OTUD7A: variants seen among roughly 807,000 people sequenced by gnomAD.
The protein encoded by OTUD7A is OTU domain-containing protein 7A.
In OTUD7A, 12 loss-of-function variants were observed where a neutral mutation model predicts 65.7. The ratio of observed to expected loss-of-function variants is 0.18; its 90% CI spans 0.12 to 0.30. The LOEUF (loss-of-function observed/expected upper bound fraction) is 0.30, where lower values mean the gene tolerates loss of function less well. Ranked by LOEUF, OTUD7A falls within the 10% of genes least tolerant of loss-of-function variation. The pLI is 1.00. For missense variants in OTUD7A, 1,148 were observed against 1,304.8 expected (o/e 0.88, Z 1.85); for synonymous variants, 641 against 586.3 (o/e 1.09, Z -1.35).
intron 8 of OTUD7A, among the ~76,000 whole-genome samples, chr15:31,513,183 T>A (rs2041783485): frequency 6.6e-6 from 1 of 152,344 alleles, no homozygotes; most frequent in African/African-American, 2.4e-5. Flanking sequence ...ATTAACCTTA[T>A]TTTAACAGTT....
At chr15:31,635,004 A>G (rs751335845) in intron 3 of OTUD7A, among the ~76,000 whole-genome samples, 1 of 152,208 alleles carries the variant, frequency 6.6e-6, no homozygotes, top group African/African-American at 2.4e-5. Flanking sequence ...GAAGGAAATC[A>G]GCTCTAACTT....
intron 1 of OTUD7A, among the ~76,000 whole-genome samples, chr15:31,851,849 T>C (rs1897434249): frequency 6.6e-6 from 1 of 151,532 alleles, no homozygotes; most frequent in African/African-American, 2.4e-5. Context: ...TTGTGTTTTG[T>C]TTGTTTTGTT....
At position 31,481,296 on chromosome 15, in the gene OTUD7A, C is replaced by T. The variant is rs1315159939; in HGVS notation, c.*1998G>A. 6.6e-6 allele frequency: 1 copy of T among 152,150 alleles called. No homozygotes were observed. Among genetic ancestry groups the T allele is most frequent in the Non-Finnish European group, 1.5e-5 (1 of 68,042 alleles). 9.4% of individuals were successfully genotyped at this position (152,150 alleles called of 1,614,324 possible). On this transcript the variant is annotated 3_prime_UTR_variant, in exon 13 of 13. Coordinates refer to ENST00000307050, the MANE Select transcript of OTUD7A (RefSeq NM_001382637.1). ...GGGTGTCTCAATCTTTTAAGAGTGA[C>T]GAGCATGAGGAGTGGCTGGCATCCA...
chr15:31,552,693 C>T (rs963685943), intron 5 of OTUD7A, among the ~76,000 whole-genome samples: 1 of 152,250 alleles, frequency 6.6e-6, no homozygotes, highest in South Asian at 2.1e-4. Flanking sequence ...CTGTCTCTCC[C>T]ACACTCTGGC....
rs1267251214 is a variant in OTUD7A at position 31,484,750 on chromosome 15, G to A, written c.1372-26C>T. On this transcript the variant is annotated intron_variant, in intron 12 of 12. Coordinates refer to ENST00000307050, the MANE Select transcript of OTUD7A (RefSeq NM_001382637.1). This position sits in a 1 kb window ranked among gnomAD's most constrained non-coding sequence, Gnocchi z 4.5. The stretch of plus-strand genomic sequence containing the variant: ...CTGTGTGGAGAGGGAGGGCCGGATC[G>A]AAGGTGGTTAGAGAAGAGCTGTCCA... 1 of 1,585,678 alleles carries A rather than the reference G, an allele frequency of 6.3e-7. No individual in the cohort carries two copies. The highest frequency in any genetic ancestry group is 2.3e-5 in the East Asian group (1 of 44,432).
At chr15:31,641,609 C>G (rs764615104) in intron 3 of OTUD7A, among the ~76,000 whole-genome samples, 4 of 152,080 alleles carry the variant, frequency 2.6e-5, no homozygotes, top group Non-Finnish European at 4.4e-5. Flanking sequence ...TTTTTCATCT[C>G]TTTAAGCAAT....
At chr15:31,756,524 C>T (rs998081896) in intron 1 of OTUD7A, among the ~76,000 whole-genome samples, 1 of 152,074 alleles carries the variant, frequency 6.6e-6, no homozygotes. Context: ...AATGCTCCAT[C>T]CCCCAAAGCT....
chr15:31,839,615 T>C (rs568930245), intron 1 of OTUD7A, among the ~76,000 whole-genome samples: 1 of 152,324 alleles, frequency 6.6e-6, no homozygotes, highest in Admixed American at 6.5e-5. Flanking sequence ...CCTGCTCTCC[T>C]CTTCTATAAA....
chr15:31,575,601 C>T (rs1344181854), intron 3 of OTUD7A, among the ~76,000 whole-genome samples: 2 of 152,212 alleles, frequency 1.3e-5, no homozygotes, highest in East Asian at 1.9e-4. Flanking sequence ...AACTCTGTGA[C>T]ATAGCTTGTC....
At chr15:31,631,886 C>T (rs1891171781) in intron 3 of OTUD7A, among the ~76,000 whole-genome samples, 1 of 152,192 alleles carries the variant, frequency 6.6e-6, no homozygotes, top group African/African-American at 2.4e-5. Context: ...TGCATCGGCT[C>T]CTGAGGCTTC....
At chr15:31,823,663 T>C (rs1337134574) in intron 1 of OTUD7A, among the ~76,000 whole-genome samples, 1 of 152,210 alleles carries the variant, frequency 6.6e-6, no homozygotes, top group Non-Finnish European at 1.5e-5. Context: ...CAAGCAAATA[T>C]AGACAAGGAT....
chr15:31,526,341 G>A lies in OTUD7A; in HGVS notation c.893+8C>T. 6.3e-7 allele frequency: 1 copy of A among 1,581,938 alleles called. No homozygotes were observed. Among genetic ancestry groups the A allele is most frequent in the Non-Finnish European group, 8.6e-7 (1 of 1,168,616 alleles). On this transcript the variant is annotated splice_region_variant and intron_variant, in intron 8 of 12. Transcript: ENST00000307050. ...GTGACTTCTGGGGAGAGCAGGGGCAGCACTTACCCCCCGCCCGTGCCGCCA... is the reference window on the plus strand; with the variant it reads ...GTGACTTCTGGGGAGAGCAGGGGCAACACTTACCCCCCGCCCGTGCCGCCA...
At chr15:31,841,379 C>T (rs143647819) in intron 1 of OTUD7A, among the ~76,000 whole-genome samples, 12 of 152,252 alleles carry the variant, frequency 7.9e-5, no homozygotes, top group East Asian at 5.8e-4. Context: ...GTCCAAGGCA[C>T]GCTCTGAAAC....
intron 1 of OTUD7A, among the ~76,000 whole-genome samples, chr15:31,841,464 T>C (rs1013717312): frequency 1.3e-5 from 2 of 152,280 alleles, no homozygotes; most frequent in African/African-American, 4.8e-5. Flanking sequence ...ATGTGGTGGC[T>C]CTACGCTGCC....
At chr15:31,662,039 T>G (rs1892179993) in intron 1 of OTUD7A, among the ~76,000 whole-genome samples, 1 of 152,218 alleles carries the variant, frequency 6.6e-6, no homozygotes, top group African/African-American at 2.4e-5. Flanking sequence ...GATGTAAGAC[T>G]CGATCAGATT....
At chr15:31,672,722 C>G (rs1047529008) in intron 1 of OTUD7A, among the ~76,000 whole-genome samples, 10 of 152,216 alleles carry the variant, frequency 6.6e-5, no homozygotes, top group Non-Finnish European at 1.2e-4. Flanking sequence ...CATCTGGTGC[C>G]TTTGAAATAT....
At chr15:31,485,065 G>A (rs1184927350) in intron 12 of OTUD7A, among the ~76,000 whole-genome samples, 2 of 152,194 alleles carry the variant, frequency 1.3e-5, no homozygotes, top group Non-Finnish European at 2.9e-5. Flanking sequence ...GCAGCAGGGT[G>A]CAGATACCCT....
chr15:31,616,420 A>G (rs1275052430), intron 3 of OTUD7A, among the ~76,000 whole-genome samples: 2 of 152,230 alleles, frequency 1.3e-5, no homozygotes, highest in Admixed American at 6.5e-5. Flanking sequence ...TTATATATAT[A>G]TGTGAAAAGA....
rs752612826 is a variant in OTUD7A at position 31,498,799 on chromosome 15, T to C, written c.1171+2891A>G. On this transcript the variant is annotated intron_variant, in intron 10 of 12. Transcript: ENST00000307050. The surrounding 1 kb of genome is among the most constrained non-coding windows in gnomAD (Gnocchi z 4.2). ...AAGCTACCAAGAAAGAATGCATACA[T>C]TTTATCTAAAAAGTCCTAAGATAAA... 2.6e-5 allele frequency among the ~76,000 whole-genome samples: 4 copies of C among 152,216 alleles called. No homozygotes were observed. The highest frequency in any genetic ancestry group is 5.9e-5 in the Non-Finnish European group (4 of 68,036).
Sources: allele counts gnomAD v4.1 joint callset (sites outside exome capture counted in the v4.1 genomes callset), GRCh38; gene constraint gnomAD v4.1.1; non-coding constraint Gnocchi (gnomAD v3.1); transcripts MANE v1.5; gene names NCBI Gene and HGNC (gene_info 2026-07-23, HGNC 2026-07-21).